NFIX: variants seen among roughly 807,000 people sequenced by gnomAD.
NFIX encodes nuclear factor I X.
Under a neutral mutation model 53.3 loss-of-function variants are expected in NFIX, and 2 were observed. That is an observed-to-expected ratio of 0.04 (90% CI 0.02 to 0.12). The LOEUF is 0.12. Ranked by LOEUF, NFIX falls within the 10% of genes least tolerant of loss-of-function variation. NFIX has a pLI of 1.00. For missense variants in NFIX, 310 were observed against 674.5 expected, an observed-to-expected ratio of 0.46 and a Z score of 5.99; for synonymous variants, 244 against 289.0, an observed-to-expected ratio of 0.84 and a Z score of 1.58.
chr19:13,019,727 G>GTTTTTTTTTTTTTTTTTTTTTT (rs201956443), intron 1 of NFIX, among the ~76,000 whole-genome samples: 1 of 124,030 alleles, frequency 8.1e-6, no homozygotes. Context: ...TTTTTTGTTT[G>GTTTTTTTTTTTTTTTTTTTTTT]TTTGTTTTTT....
chr19:13,023,337 C>T (rs990964344), intron 1 of NFIX, among the ~76,000 whole-genome samples: 1 of 151,876 alleles, frequency 6.6e-6, no homozygotes, highest in Admixed American at 6.6e-5. Context: ...TTCCTCCCTC[C>T]CTCGCTCCCT....
At position 13,025,156 on chromosome 19, in the gene NFIX, G is replaced by A. The variant is rs1032350941; in HGVS notation, c.163G>A (p.Ala55Thr). 8 of 1,614,252 alleles carry A rather than the reference G, an allele frequency of 5.0e-6. No homozygotes were observed. The highest frequency in any genetic ancestry group is 1.7e-5 in the Admixed American group (1 of 60,030). ...GCGGATGTCGAAGGACGAGGAGCGGGCGGTGAAGGACGAGCTGCTGGGCGA... is the reference window on the plus strand; with the variant it reads ...GCGGATGTCGAAGGACGAGGAGCGGACGGTGAAGGACGAGCTGCTGGGCGA... ...EKRMSKDEER[A>T]VKDELLGEKP... The change falls in exon 2 of 11, where the codon GCG becomes ACG. Residue 55 changes from alanine to threonine, a missense_variant. By Grantham distance (58) the Ala-to-Thr change is moderately conservative (BLOSUM62 0). Coordinates refer to ENST00000592199, the MANE Select transcript of NFIX (RefSeq NM_001365902.3). The surrounding 1 kb of genome is among the most constrained non-coding windows in gnomAD (Gnocchi z 7.5).
chr19:13,026,744 C>CTG (rs201026735), intron 2 of NFIX, among the ~76,000 whole-genome samples: 12,877 of 149,850 alleles, frequency 0.086, 693 homozygotes, highest in Non-Finnish European at 0.13. Context: ...CTCTCTCTCT[C>CTG]TGTGTGTGTG....
chr19:12,995,832 C>A lies in NFIX; in HGVS notation c.-6C>A. ...GGCCGCCGCGCTCCCGCCCGGGCGC[C>A]CAGCTATGTACTCCCCGTACTGCCT... On this transcript the variant is annotated 5_prime_UTR_variant, in exon 1 of 11. Coordinates refer to ENST00000592199, the MANE Select transcript of NFIX (RefSeq NM_001365902.3). The A allele has an allele frequency of 1.0e-6, 1 of 1,002,166 alleles. No homozygotes were observed. Among genetic ancestry groups the A allele is most frequent in the Non-Finnish European group, 1.2e-6 (1 of 843,306 alleles). 62.1% of individuals were successfully genotyped at this position (1,002,166 alleles called of 1,614,324 possible). A position where few individuals can be genotyped will look rare whatever the true frequency, so the allele number is the denominator to read the frequency against.
intron 1 of NFIX, among the ~76,000 whole-genome samples, chr19:13,004,576 TCAGC>T (rs934986059): frequency 3.3e-5 from 5 of 152,096 alleles, no homozygotes; most frequent in African/African-American, 1.2e-4. Flanking sequence ...CCTCTGCTTG[TCAGC>T]CACAACCAGC....
rs1024241582 is a variant in NFIX at position 13,095,273 on chromosome 19, T to TACCCC, written c.*634_*638dup. On this transcript the variant is annotated 3_prime_UTR_variant, in exon 11 of 11. Transcript: ENST00000592199. ...CAGGAGGGGGAGAGCAGCCTCCACTTACCCCACCCCACCCTTGGGCTAAAA... is the reference window on the plus strand; with the variant it reads ...CAGGAGGGGGAGAGCAGCCTCCACTTACCCCACCCCACCCCACCCTTGGGCTAAAA... 2.1e-5 allele frequency: 3 copies of TACCCC among 144,724 alleles called. No homozygotes were observed. Among genetic ancestry groups the TACCCC allele is most frequent in the Non-Finnish European group, 3.0e-5 (2 of 65,756 alleles). The allele number at this position is 144,724 out of a possible 1,614,324, so 9.0% of individuals were successfully genotyped here. A position where few individuals can be genotyped will look rare whatever the true frequency, so the allele number is the denominator to read the frequency against.
In NFIX at chr19:13,095,114, C is replaced by A. The variant is rs1480753541; in HGVS notation, c.*465C>A. On this transcript the variant is annotated 3_prime_UTR_variant, in exon 11 of 11. Transcript: ENST00000592199. ...CACAGCCGGAGCTGCCCTAGGGAGC[C>A]TGGAGGGCCAGCTTGTAAAGATGAT... 1 of 156,746 alleles carries A rather than the reference C, an allele frequency of 6.4e-6. No homozygotes were observed. Among genetic ancestry groups the A allele is most frequent in the Non-Finnish European group, 1.4e-5 (1 of 70,802 alleles). 9.7% of individuals were successfully genotyped at this position (156,746 alleles called of 1,614,324 possible). A position where few individuals can be genotyped will look rare whatever the true frequency, so the allele number is the denominator to read the frequency against.
Position 13,019,983 on chromosome 19 carries a change from TC to T in NFIX, c.28-5034del, listed in dbSNP as rs373136174. 6.6e-4 allele frequency among the ~76,000 whole-genome samples: 100 copies of T among 152,148 alleles called. 1 individual carries two copies. The East Asian group carries it at 0.018, about 28-fold the overall frequency. On this transcript the variant is annotated intron_variant, in intron 1 of 10. Coordinates refer to ENST00000592199, the MANE Select transcript of NFIX (RefSeq NM_001365902.3). ...TATTACCAGCATCAGTGGCTTCCTT[TC>T]CCCATTTCCCATGTCCTTCTACTCT...
Position 13,094,695 on chromosome 19 carries a change from G to C in NFIX, c.*46G>C. 2 of 1,526,564 alleles carry C rather than the reference G, an allele frequency of 1.3e-6. No homozygotes were observed. 94.6% of individuals were successfully genotyped at this position (1,526,564 alleles called of 1,614,324 possible). A position where few individuals can be genotyped will look rare whatever the true frequency, so the allele number is the denominator to read the frequency against. Reference sequence around the variant, plus strand: ...ACAAAATGAGAAGAAGAGGTTCCTCGAAAGGGGGGAGAAGAAATTTTGAGA... The same window carrying C: ...ACAAAATGAGAAGAAGAGGTTCCTCCAAAGGGGGGAGAAGAAATTTTGAGA... On this transcript the variant is annotated 3_prime_UTR_variant, in exon 11 of 11. Transcript: ENST00000592199. This position sits in a 1 kb window ranked among gnomAD's most constrained non-coding sequence, Gnocchi z 4.3.
At chr19:13,024,855 C>A in intron 1 of NFIX, 166 bp from the exon 2 acceptor site, 2 of 1,313,486 alleles carry the variant, frequency 1.5e-6, no homozygotes, top group Non-Finnish European at 2.1e-6. Flanking sequence ...TTTCGTAGAA[C>A]AATCGCAAGA....
At chr19:12,997,156 A>G (rs866464883) in intron 1 of NFIX, among the ~76,000 whole-genome samples, 6 of 152,362 alleles carry the variant, frequency 3.9e-5, no homozygotes, top group Middle Eastern at 3.4e-3. Flanking sequence ...CCACATGGGT[A>G]TGGCTCCTAC....
At chr19:13,084,939 G>T (rs184121319) in intron 8 of NFIX, among the ~76,000 whole-genome samples, 2 of 151,950 alleles carry the variant, frequency 1.3e-5, no homozygotes, top group Admixed American at 1.3e-4. Context: ...GCATGATGGT[G>T]GGTGCCTGTA....
chr19:13,061,798 T>TA (rs922745726), intron 2 of NFIX, among the ~76,000 whole-genome samples: 28 of 151,788 alleles, frequency 1.8e-4, no homozygotes, highest in African/African-American at 3.4e-4. Flanking sequence ...TAAAATATGT[T>TA]AAAAAAAAAT....
chr19:13,057,071 G>T (rs1321271935), intron 2 of NFIX, among the ~76,000 whole-genome samples: 1 of 152,222 alleles, frequency 6.6e-6, no homozygotes, highest in Non-Finnish European at 1.5e-5. Flanking sequence ...AATGAGAATG[G>T]ATCACACCTT....
At chr19:13,042,498 G>A (rs534754969) in intron 2 of NFIX, among the ~76,000 whole-genome samples, 91 of 151,614 alleles carry the variant, frequency 6.0e-4, no homozygotes, top group Non-Finnish European at 1.1e-3. Context: ...GGGTTTACAG[G>A]TGTGCGCCAC....
At chr19:13,055,881 G>A (rs1049433065) in intron 2 of NFIX, among the ~76,000 whole-genome samples, 8 of 152,166 alleles carry the variant, frequency 5.3e-5, no homozygotes, top group African/African-American at 1.9e-4. Flanking sequence ...CGCCTCCCTG[G>A]CCAGGGACTT....
At position 13,009,147 on chromosome 19, in the gene NFIX, TCACA is replaced by T. The variant is rs1254915911; in HGVS notation, c.27+13288_27+13291del. 6.6e-6 allele frequency among the ~76,000 whole-genome samples: 1 copy of T among 152,042 alleles called. No homozygotes were observed. The highest frequency in any genetic ancestry group is 1.5e-5 in the Non-Finnish European group (1 of 68,006). ...CACAATCTGTCGTCCACGCACAGTC[TCACA>T]CACAACCTGTCACACACGCACACAC... On this transcript the variant is annotated intron_variant, in intron 1 of 10. Transcript: ENST00000592199. This position sits in a 1 kb window ranked among gnomAD's most constrained non-coding sequence, Gnocchi z 4.7.
intron 8 of NFIX, among the ~76,000 whole-genome samples, chr19:13,086,865 G>A (rs535832186): frequency 7.7e-4 from 118 of 152,360 alleles, no homozygotes; most frequent in African/African-American, 2.7e-3. Context: ...AGGACAGAAC[G>A]AGGCACTGGC....
At chr19:13,085,776 G>A (rs1211450383) in intron 8 of NFIX, among the ~76,000 whole-genome samples, 1 of 152,190 alleles carries the variant, frequency 6.6e-6, no homozygotes, top group Non-Finnish European at 1.5e-5. Context: ...AAAAAACAGT[G>A]GGCAGAGAAG....
Sources: allele counts gnomAD v4.1 joint callset (sites outside exome capture counted in the v4.1 genomes callset), GRCh38; gene constraint gnomAD v4.1.1; non-coding constraint Gnocchi (gnomAD v3.1); transcripts MANE v1.5; gene names NCBI Gene and HGNC (gene_info 2026-07-23, HGNC 2026-07-21).